PADI2: variants seen among roughly 807,000 people sequenced by gnomAD.
The protein encoded by PADI2 is protein-arginine deiminase type-2.
PADI2 carries 70 observed loss-of-function variants against 81.1 expected under a neutral mutation model. That is an observed-to-expected ratio of 0.86 (90% confidence interval 0.71 to 1.05). PADI2 has a LOEUF of 1.05. PADI2 is among the 50% of genes least tolerant of loss of function. The pLI is 0.00. For synonymous variants in PADI2, 338 were observed against 358.0 expected (o/e 0.94, Z 0.63); for missense variants, 853 against 889.9 (o/e 0.96, Z 0.53).
chr1:17,088,746 A>G (rs971394403), intron 6 of PADI2, among the ~76,000 whole-genome samples: 2 of 151,936 alleles, frequency 1.3e-5, no homozygotes, highest in African/African-American at 4.8e-5. Flanking sequence ...GTCTCTACTA[A>G]AAATACAAAA....
At position 17,068,766 on chromosome 1, in the gene PADI2, T is replaced by G. The variant is rs146282937; in HGVS notation, c.*278A>C. ...TGGGGAGCAGTTTGGGCACATGGTT[T>G]GCTGTGTTTTGTTGTGTTCTGTTCC... On this transcript the variant is annotated 3_prime_UTR_variant, in exon 16 of 16. Coordinates refer to ENST00000375486, the MANE Select transcript of PADI2 (RefSeq NM_007365.3). 3.0e-4 allele frequency: 134 copies of G among 441,640 alleles called. 1 individual carries two copies. Among genetic ancestry groups the G allele is most frequent in the African/African-American group, 2.4e-3 (123 of 50,796 alleles). 27.4% of individuals were successfully genotyped at this position (441,640 alleles called of 1,614,324 possible). A position where few individuals can be genotyped will look rare whatever the true frequency, so the allele number is the denominator to read the frequency against.
chr1:17,085,523 G>C (rs922057033), intron 7 of PADI2, among the ~76,000 whole-genome samples: 1 of 152,188 alleles, frequency 6.6e-6, no homozygotes, highest in African/African-American at 2.4e-5. Context: ...GAGCTTGAGG[G>C]TGCTTTGTAA....
In PADI2 at chr1:17,101,748, A is replaced by AC. The variant is rs550248663; in HGVS notation, c.349+1238dup. 2.7e-3 allele frequency among the ~76,000 whole-genome samples: 405 copies of AC among 150,576 alleles called. 5 individuals are homozygous for AC. The highest frequency in any genetic ancestry group is 2.0e-3 in the East Asian group (10 of 5,124). On this transcript the variant is annotated intron_variant, in intron 3 of 15. Transcript: ENST00000375486. ...AGTTGTATCTTGGGGAGATTCTGAGACCCCCCCTGAGAATGTGGGATAACT... is the reference window on the plus strand; with the variant it reads ...AGTTGTATCTTGGGGAGATTCTGAGACCCCCCCCTGAGAATGTGGGATAACT...
intron 9 of PADI2, 181 bp from the exon 10 acceptor site, chr1:17,082,833 T>C (rs1182648698): frequency 3.8e-6 from 2 of 524,562 alleles, no homozygotes; most frequent in Non-Finnish European, 6.7e-6. Context: ...CCATAGGCAG[T>C]CTCTGCACAT....
At chr1:17,099,668 T>G (rs575446344) in intron 3 of PADI2, among the ~76,000 whole-genome samples, 12 of 152,256 alleles carry the variant, frequency 7.9e-5, no homozygotes, top group Middle Eastern at 3.4e-3. Flanking sequence ...AGACCATACA[T>G]TTCTTTAACT....
At chr1:17,117,735 C>T (rs60378818) in intron 1 of PADI2, among the ~76,000 whole-genome samples, 4,104 of 152,290 alleles carry the variant, frequency 0.027, 196 homozygotes, top group African/African-American at 0.094. Context: ...GCTTTTCAGG[C>T]GGCACCAACC....
chr1:17,074,794 C>T lies in PADI2; in HGVS notation c.1549+62G>A. The stretch of plus-strand genomic sequence containing the variant: ...ACAAAGTGCTTATCTGCCCCACCCT[C>T]CCGAGGGTCTCTCTGGGGCCTCCAG... On this transcript the variant is annotated intron_variant, in intron 13 of 15. Coordinates refer to ENST00000375486, the MANE Select transcript of PADI2 (RefSeq NM_007365.3). The T allele has an allele frequency of 1.9e-6, 2 of 1,040,886 alleles. 1 individual carries two copies. Among genetic ancestry groups the T allele is most frequent in the Non-Finnish European group, 3.0e-6 (2 of 676,268 alleles). The allele number at this position is 1,040,886 out of a possible 1,614,324, so 64.5% of individuals were successfully genotyped here.
In PADI2 at chr1:17,106,784, G is replaced by GGAA. The variant is rs1931389495; in HGVS notation, c.93-1724_93-1723insTTC. 1.8e-5 allele frequency among the ~76,000 whole-genome samples: 2 copies of GGAA among 110,740 alleles called. 1 individual carries two copies. The highest frequency in any genetic ancestry group is 9.3e-4 in the South Asian group (2 of 2,140). 72.6% of individuals were successfully genotyped at this position (110,740 alleles called of 152,430 possible). A position where few individuals can be genotyped will look rare whatever the true frequency, so the allele number is the denominator to read the frequency against. ...ATAGGAGAAGAAAGATGAGAGAGGA[G>GGAA]GAGGAGGAGGAGGAGCAGCAAGAGA... On this transcript the variant is annotated intron_variant, in intron 1 of 15. Transcript: ENST00000375486.
At chr1:17,087,183 A>T (rs1236788540) in intron 6 of PADI2, among the ~76,000 whole-genome samples, 1 of 152,186 alleles carries the variant, frequency 6.6e-6, no homozygotes, top group East Asian at 1.9e-4. Context: ...AAATGTGCCC[A>T]TTATACCAAA....
At chr1:17,089,016 G>A (rs74370867) in intron 6 of PADI2, among the ~76,000 whole-genome samples, 1 of 151,502 alleles carries the variant, frequency 6.6e-6, no homozygotes, top group Non-Finnish European at 1.5e-5. Context: ...CACGCCACAG[G>A]TTCAATGTAA....
intron 13 of PADI2, among the ~76,000 whole-genome samples, chr1:17,072,214 A>G (rs962642926): frequency 6.6e-6 from 1 of 152,002 alleles, no homozygotes; most frequent in Non-Finnish European, 1.5e-5. Flanking sequence ...CTCTTAACCT[A>G]TTATTTGTTT....
At position 17,084,626 on chromosome 1, in the gene PADI2, AG is replaced by A. The variant is rs1448711157; in HGVS notation, c.910del (p.Leu304CysfsTer11). The A allele has an allele frequency of 1.9e-6, 3 of 1,583,404 alleles. No individual in the cohort carries two copies. Among genetic ancestry groups the A allele is most frequent in the Non-Finnish European group, 2.6e-6 (3 of 1,164,608 alleles). The part of the protein sequence containing the change: ...IAPWIMTPNI[L>X]PPVSVFVCCM... ...GCACACAAACACCGACACGGGAGGC[AG>A]GATGTTGGGGGTCATGATCCACGGA... is the stretch of plus-strand genomic sequence containing the variant. On this transcript the variant is annotated frameshift_variant, in exon 8 of 16. Coordinates refer to ENST00000375486, the MANE Select transcript of PADI2 (RefSeq NM_007365.3). LOFTEE classifies it high-confidence loss of function.
chr1:17,110,837 A>G (rs1569595547), intron 1 of PADI2, among the ~76,000 whole-genome samples: 1 of 151,948 alleles, frequency 6.6e-6, no homozygotes, highest in East Asian at 1.9e-4. Context: ...CACTCCTTGA[A>G]GGTAGGGATT....
intron 14 of PADI2, 71 bp from the exon 15 acceptor site, chr1:17,070,287 C>T (rs2078256444): frequency 1.3e-6 from 2 of 1,586,718 alleles, no homozygotes; most frequent in Non-Finnish European, 1.7e-6. Context: ...CAACCCCATC[C>T]CTGTCTGCAG....
chr1:17,110,708 T>G (rs1250225506), intron 1 of PADI2, among the ~76,000 whole-genome samples: 1 of 152,240 alleles, frequency 6.6e-6, no homozygotes, highest in East Asian at 1.9e-4. Flanking sequence ...TTTTGACATA[T>G]GTTGTTCCTT....
rs1201712658 is a variant in PADI2, at chr1:17,070,204, A to G, written c.1648T>C (p.Trp550Arg). 10 of 1,614,054 alleles carry G rather than the reference A, an allele frequency of 6.2e-6. No individual in the cohort carries two copies. The highest frequency in any genetic ancestry group is 8.5e-6 in the Non-Finnish European group (10 of 1,179,962). The change falls in exon 15 of 16, where the codon TGG (tryptophan) becomes CGG (arginine). Residue 550 changes from tryptophan (W) to arginine (R), a missense_variant. Trp to Arg is a moderately radical substitution (Grantham distance 101). Transcript: ENST00000375486. ...TCCTTCTTGAGGATGTCACGGTTCC[A>G]GTCTAGGCAGCGCTGGGTAGGAGAA... ...ENLYFQRCLD[W>R]NRDILKKELG...
intron 2 of PADI2, 58 bp from the exon 3 acceptor site, chr1:17,103,117 A>C: frequency 1.2e-5 from 16 of 1,315,590 alleles, no homozygotes; most frequent in Non-Finnish European, 1.5e-5. Flanking sequence ...ATCACAGATC[A>C]CAAGCAGGAA....
intron 4 of PADI2, among the ~76,000 whole-genome samples, chr1:17,094,430 G>C (rs1028471331): frequency 6.6e-6 from 1 of 152,044 alleles, no homozygotes; most frequent in Admixed American, 6.6e-5. Flanking sequence ...ACCCTTCCTC[G>C]GTTACAGCAT....
intron 12 of PADI2, 48 bp downstream of exon 12, chr1:17,075,631 T>C (rs1557758168): frequency 8.4e-6 from 13 of 1,541,370 alleles, no homozygotes; most frequent in Non-Finnish European, 1.1e-5. Context: ...GGGTAATATA[T>C]TGGTTTGCTG....
Sources: gnomAD v4.1 joint callset for allele counts (sites outside exome capture counted in the v4.1 genomes callset) on GRCh38, gnomAD v4.1.1 for gene constraint, MANE v1.5 for transcripts, NCBI Gene and HGNC (gene_info 2026-07-23, HGNC 2026-07-21) for gene names.